Variants in TFCP2L1 observed in about 807,000 individuals in gnomAD.
TFCP2L1 encodes the protein transcription factor CP2 like 1.
TFCP2L1 carries 12 observed loss-of-function variants against 72.2 expected under a neutral mutation model. The ratio of observed to expected loss-of-function variants is 0.17; its 90% CI spans 0.11 to 0.27. The LOEUF is 0.27. TFCP2L1 is among the 10% of genes least tolerant of loss of function. TFCP2L1 has a pLI of 1.00. For missense variants in TFCP2L1, 488 were observed against 624.6 expected (o/e 0.78, Z 2.33); for synonymous variants, 260 against 251.0 (o/e 1.04, Z -0.34).
chr2:121,254,666 C>T lies in TFCP2L1; in HGVS notation c.215-5019G>A, dbSNP rs140089912. Among the ~76,000 whole-genome samples the T allele has an allele frequency of 1.1e-3, 169 of 152,208 alleles. 2 individuals are homozygous for T. The East Asian group carries it at 0.03, about 27-fold the overall frequency. ...CACAAAAATTAGCCGGGCGTGGTGGCGCATGCTTGTAATCGCAGCTATTCT... is the reference window on the plus strand; with the variant it reads ...CACAAAAATTAGCCGGGCGTGGTGGTGCATGCTTGTAATCGCAGCTATTCT... On this transcript the variant is annotated intron_variant, in intron 2 of 14. Transcript: ENST00000263707.
In TFCP2L1 at chr2:121,225,699, C is replaced by A. The variant is rs1573353546; in HGVS notation, c.1342-86G>T. The A allele has an allele frequency of 2.1e-6, 3 of 1,451,720 alleles. No homozygotes were observed. The African/African-American group carries it at 4.2e-5, about 20-fold the overall frequency. 89.9% of individuals were successfully genotyped at this position (1,451,720 alleles called of 1,614,324 possible). ...GGTGGCAGAGCCTAGCCATGCGCAGCTGCAGAAACACCACTGCCAAGCCAC... is the reference window on the plus strand; with the variant it reads ...GGTGGCAGAGCCTAGCCATGCGCAGATGCAGAAACACCACTGCCAAGCCAC... On this transcript the variant is annotated intron_variant, in intron 13 of 14. Transcript: ENST00000263707.
chr2:121,234,274 T>C (rs1382881391), intron 11 of TFCP2L1, 80 bp from the exon 12 acceptor site: 4 of 1,310,500 alleles, frequency 3.1e-6, no homozygotes, highest in Non-Finnish European at 4.4e-6. Context: ...ATGGAAACAA[T>C]AGTGGGCAGA....
chr2:121,232,016 A>C (rs200303030), intron 12 of TFCP2L1, 48 bp from the exon 13 acceptor site: 122 of 1,535,282 alleles, frequency 7.9e-5, no homozygotes, highest in Admixed American at 7.5e-5. Context: ...CCATTCTGTC[A>C]GTGTGAGCCT....
At chr2:121,237,304 C>T (rs967589620) in intron 10 of TFCP2L1, among the ~76,000 whole-genome samples, 1 of 152,218 alleles carries the variant, frequency 6.6e-6, no homozygotes, top group Admixed American at 6.5e-5. Flanking sequence ...AGGGGCCCTG[C>T]ATCACCCTGC....
chr2:121,284,100 T>C (rs1230798303), intron 1 of TFCP2L1, among the ~76,000 whole-genome samples: 3 of 152,216 alleles, frequency 2.0e-5, no homozygotes, highest in African/African-American at 7.2e-5. Flanking sequence ...TGGGAACTTC[T>C]TGGGGCCAAA....
chr2:121,241,995 A>G (rs528119865), intron 7 of TFCP2L1, among the ~76,000 whole-genome samples: 1 of 149,748 alleles, frequency 6.7e-6, no homozygotes, highest in African/African-American at 2.5e-5. Flanking sequence ...AGAAACCATG[A>G]AGCTGGGATG....
At position 121,223,487 on chromosome 2, in the gene TFCP2L1, A is replaced by G. The variant is rs910943437; in HGVS notation, c.*854T>C. 5.9e-5 allele frequency: 9 copies of G among 152,192 alleles called. No individual in the cohort carries two copies. The highest frequency in any genetic ancestry group is 2.2e-4 in the African/African-American group (9 of 41,436). 9.4% of individuals were successfully genotyped at this position (152,192 alleles called of 1,614,324 possible). A position where few individuals can be genotyped will look rare whatever the true frequency, so the allele number is the denominator to read the frequency against. On this transcript the variant is annotated 3_prime_UTR_variant, in exon 15 of 15. Transcript: ENST00000263707. ...AAGAGGGCCTGGTATTGTGGTGGTC[A>G]AGGTCATCTGATGACACCTAGGAAT... is the stretch of plus-strand genomic sequence containing the variant.
At chr2:121,229,765 A>T (rs111866009) in intron 13 of TFCP2L1, among the ~76,000 whole-genome samples, 1 of 152,194 alleles carries the variant, frequency 6.6e-6, no homozygotes, top group South Asian at 2.1e-4. Flanking sequence ...CAGATGTGGA[A>T]ACTGTGGCAC....
intron 2 of TFCP2L1, among the ~76,000 whole-genome samples, chr2:121,272,678 T>C (rs1055304718): frequency 1.3e-5 from 2 of 152,198 alleles, no homozygotes; most frequent in Admixed American, 6.5e-5. Context: ...CAAAACAGGA[T>C]TGGCGAGATG....
intron 2 of TFCP2L1, among the ~76,000 whole-genome samples, chr2:121,255,014 G>C (rs1311027236): frequency 6.6e-6 from 1 of 152,204 alleles, no homozygotes; most frequent in African/African-American, 2.4e-5. Context: ...CAGAGGCTCA[G>C]AGAGGTTACC....
intron 2 of TFCP2L1, among the ~76,000 whole-genome samples, chr2:121,261,451 C>T (rs977369708): frequency 6.6e-6 from 1 of 152,052 alleles, no homozygotes; most frequent in Admixed American, 6.6e-5. Context: ...AAGCACCAAC[C>T]CAAAGGAGCT....
At chr2:121,234,877 G>A (rs1053936030) in intron 11 of TFCP2L1, among the ~76,000 whole-genome samples, 3 of 152,112 alleles carry the variant, frequency 2.0e-5, no homozygotes, top group Admixed American at 1.3e-4. Flanking sequence ...TCCCCTCAGC[G>A]GGGGAGCAGC....
chr2:121,247,625 G>T (rs1226953961), intron 5 of TFCP2L1, among the ~76,000 whole-genome samples: 2 of 151,912 alleles, frequency 1.3e-5, no homozygotes, highest in Non-Finnish European at 2.9e-5. Context: ...TAATGGCTCT[G>T]TATTCATTAT....
intron 2 of TFCP2L1, among the ~76,000 whole-genome samples, chr2:121,259,954 C>T (rs896990486): frequency 5.9e-5 from 9 of 152,152 alleles, no homozygotes; most frequent in Admixed American, 1.3e-4. Flanking sequence ...CACAATACAG[C>T]GATTGGTATT....
chr2:121,253,644 G>A (rs1389714910), intron 2 of TFCP2L1, among the ~76,000 whole-genome samples: 2 of 152,140 alleles, frequency 1.3e-5, no homozygotes, highest in Admixed American at 1.3e-4. Context: ...ACGCCAAACA[G>A]CAAGCACCTC....
rs368361861 is a variant in TFCP2L1, at chr2:121,231,971, G to A, written c.1199-3C>T. ...TTCCAGGAAGATGGCGTGGTACACT[G>A]GGGGAAGGAGGAGCAAGTGCTGCTT... On this transcript the variant is annotated splice_region_variant and splice_polypyrimidine_tract_variant and intron_variant, in intron 12 of 14. Transcript: ENST00000263707. 521 of 1,580,952 alleles carry A rather than the reference G, an allele frequency of 3.3e-4. 1 individual carries two copies. Among genetic ancestry groups the A allele is most frequent in the Non-Finnish European group, 4.4e-4 (510 of 1,159,276 alleles).
intron 10 of TFCP2L1, among the ~76,000 whole-genome samples, chr2:121,236,054 A>G (rs1686242655): frequency 1.3e-5 from 2 of 152,176 alleles, no homozygotes; most frequent in Admixed American, 6.5e-5. Flanking sequence ...CCCGCAAGTC[A>G]TGTTTCACGG....
chr2:121,240,877 T>G (rs1686353608), intron 7 of TFCP2L1, among the ~76,000 whole-genome samples: 1 of 152,204 alleles, frequency 6.6e-6, no homozygotes, highest in Non-Finnish European at 1.5e-5. Context: ...AAAATGCCAG[T>G]GCACATCTAT....
chr2:121,283,884 T>A (rs1687312103), intron 1 of TFCP2L1, among the ~76,000 whole-genome samples: 1 of 152,246 alleles, frequency 6.6e-6, no homozygotes, highest in Admixed American at 6.5e-5. Flanking sequence ...TTCCCTCTGG[T>A]GACATCACCG....
Sources: gnomAD v4.1 joint callset for allele counts (sites outside exome capture counted in the v4.1 genomes callset) on GRCh38, gnomAD v4.1.1 for gene constraint, MANE v1.5 for transcripts, NCBI Gene and HGNC (gene_info 2026-07-23, HGNC 2026-07-21) for gene names.